The following SORBS2 variants were observed in gnomAD, a reference collection of about 807,000 sequenced individuals.
SORBS2 encodes sorbin and SH3 domain containing 2, also known as sorbin and SH3 domain-containing protein 2.
In SORBS2, 46 loss-of-function variants were observed where a neutral mutation model predicts 97.7. That is an observed-to-expected ratio of 0.47 (90% CI 0.37 to 0.60). The LOEUF (loss-of-function observed/expected upper bound fraction) is 0.60. Among genes scored for constraint, SORBS2 ranks in the 20% least tolerant of loss-of-function variants. The pLI, the probability that SORBS2 is intolerant of heterozygous loss-of-function variation, is 0.00. For missense variants in SORBS2, 1,316 were observed against 1,282.3 expected (o/e 1.03, Z -0.40); for synonymous variants, 476 against 473.4 (o/e 1.01, Z -0.07).
At chr4:185,908,877 A>G (rs1030803881) in intron 1 of SORBS2, among the ~76,000 whole-genome samples, 6 of 151,874 alleles carry the variant, frequency 4.0e-5, no homozygotes, top group African/African-American at 1.2e-4. Context: ...ATATATGAAT[A>G]TATGCATTAT....
At chr4:185,598,418 T>C (rs2096170747) in intron 12 of SORBS2, among the ~76,000 whole-genome samples, 2 of 152,226 alleles carry the variant, frequency 1.3e-5, no homozygotes, top group Admixed American at 1.3e-4. Flanking sequence ...CAAGTTGCTG[T>C]TCATAAGGAA....
chr4:185,866,347 G>T (rs1238832591), intron 1 of SORBS2, among the ~76,000 whole-genome samples: 2 of 152,168 alleles, frequency 1.3e-5, no homozygotes, highest in African/African-American at 2.4e-5. Flanking sequence ...TACCCTAATT[G>T]TTAGTAAGAA....
rs1376150950 is a variant in SORBS2 at position 185,879,709 on chromosome 4, A to C, written c.-338+76487T>G. On this transcript the variant is annotated intron_variant, in intron 1 of 20. Coordinates refer to the SORBS2 transcript ENST00000284776. ...GTTTCCTGACTTTTTAATGATCGCC[A>C]TTCTAACAGGTGTGAGATGGTATCT... Among the ~76,000 whole-genome samples, 3 of 152,168 alleles carry C rather than the reference A, an allele frequency of 2.0e-5. No individual in the cohort carries two copies. The East Asian group carries it at 5.8e-4, about 29-fold the overall frequency.
intron 1 of SORBS2, among the ~76,000 whole-genome samples, chr4:185,842,448 C>T (rs7692862): frequency 0.28 from 43,098 of 151,906 alleles, 6,328 homozygotes; most frequent in East Asian, 0.55. Flanking sequence ...TAAGGAGTTA[C>T]CTACCTGATC....
chr4:185,690,806 C>T (rs569973898), intron 2 of SORBS2, among the ~76,000 whole-genome samples, 195 bp from the exon 4 acceptor site: 2 of 152,272 alleles, frequency 1.3e-5, no homozygotes, highest in South Asian at 4.2e-4. Flanking sequence ...TGGTCCCATG[C>T]TCATAAAACA....
chr4:185,745,672 T>C (rs189871745), intron 2 of SORBS2, among the ~76,000 whole-genome samples: 67 of 152,346 alleles, frequency 4.4e-4, no homozygotes, highest in African/African-American at 1.2e-3. Flanking sequence ...TTAAATATTA[T>C]TTCCACAGCC....
At chr4:185,731,858 CTCTCTCTCTATATATATATATA>C (rs1348186400) in intron 2 of SORBS2, among the ~76,000 whole-genome samples, 766 of 35,986 alleles carry the variant, frequency 0.021, 2 homozygotes, top group African/African-American at 0.028. Context: ...CTCTCTCTCT[CTCTCTCTCTATATATATATATA>C]TATATATATA....
intron 1 of SORBS2, among the ~76,000 whole-genome samples, chr4:185,863,484 T>C (rs1025190414): frequency 6.6e-5 from 10 of 152,248 alleles, no homozygotes; most frequent in Admixed American, 1.3e-4. Context: ...ACATGTTTAA[T>C]ATACTGTCTT....
At chr4:185,800,342 T>C (rs919946650) in intron 1 of SORBS2, among the ~76,000 whole-genome samples, 3 of 152,222 alleles carry the variant, frequency 2.0e-5, no homozygotes, top group Middle Eastern at 3.2e-3. Context: ...TAATTTTAAA[T>C]GAGTCTTTGA....
chr4:185,766,143 C>CCT (rs1417086293), intron 2 of SORBS2, among the ~76,000 whole-genome samples: 6 of 152,160 alleles, frequency 3.9e-5, no homozygotes, highest in Non-Finnish European at 7.3e-5. Flanking sequence ...GGCGTGGATC[C>CCT]CTTAGTCTGA....
rs1561324933 is a variant in SORBS2 at position 185,943,638 on chromosome 4, T to C, written c.-338+12558A>G. Among the ~76,000 whole-genome samples, 3 of 152,260 alleles carry C rather than the reference T, an allele frequency of 2.0e-5. No homozygotes were observed. The South Asian group carries it at 6.2e-4, about 32-fold the overall frequency. ...TAGCAGGGGGAATATATTAGATTAATAGAGATGAAATTCCTGAGCCTCCAG... is the reference window on the plus strand; with the variant it reads ...TAGCAGGGGGAATATATTAGATTAACAGAGATGAAATTCCTGAGCCTCCAG... On this transcript the variant is annotated intron_variant, in intron 1 of 20. Transcript: ENST00000284776.
At chr4:185,688,351 G>T (rs138452887) in intron 2 of SORBS2, among the ~76,000 whole-genome samples, 1,585 of 151,990 alleles carry the variant, frequency 0.01, 34 homozygotes, top group African/African-American at 0.035. Context: ...ATATTGGATA[G>T]ATATATCTAT....
At chr4:185,599,996 A>C (rs2096221046) in intron 12 of SORBS2, among the ~76,000 whole-genome samples, 1 of 152,210 alleles carries the variant, frequency 6.6e-6, no homozygotes, top group African/African-American at 2.4e-5. Flanking sequence ...AGAATCTCCT[A>C]GACATCACTG....
At chr4:185,714,562 T>A (rs2098449566) in intron 2 of SORBS2, among the ~76,000 whole-genome samples, 2 of 152,206 alleles carry the variant, frequency 1.3e-5, no homozygotes, top group South Asian at 4.1e-4. Context: ...GTTCTCGCAC[T>A]GCTAATAAAG....
chr4:185,820,284 T>C (rs553450495), intron 1 of SORBS2, among the ~76,000 whole-genome samples: 1 of 152,346 alleles, frequency 6.6e-6, no homozygotes, highest in African/African-American at 2.4e-5. Flanking sequence ...CAACCTCACC[T>C]GGACAGCGCG....
chr4:185,784,499 G>GCATTCTCA (rs1293081388), intron 1 of SORBS2, among the ~76,000 whole-genome samples: 1 of 152,068 alleles, frequency 6.6e-6, no homozygotes, highest in Non-Finnish European at 1.5e-5. Context: ...TTCTGTGGGG[G>GCATTCTCA]TGCATGCTAA....
At chr4:185,861,267 G>A (rs1410080329) in intron 1 of SORBS2, among the ~76,000 whole-genome samples, 2 of 149,022 alleles carry the variant, frequency 1.3e-5, no homozygotes, top group East Asian at 4.0e-4. Flanking sequence ...TCTTTGGAAT[G>A]CCCTTGGCTG....
rs528128911 is a variant in SORBS2 at position 185,768,704 on chromosome 4, A to C, written c.-198+6523T>G. Among the ~76,000 whole-genome samples the C allele has an allele frequency of 4.3e-4, 44 of 102,022 alleles. No individual in the cohort carries two copies. In the East Asian group the frequency reaches 5.0e-3, roughly 12 times the overall value. The allele number at this position is 102,022 out of a possible 152,430, so 66.9% of individuals were successfully genotyped here. ...ACAGAGTGAGACTCTGTCTCAAAAA[A>C]AAAAAAACAAAAAAACAAAAAAAAA... On this transcript the variant is annotated intron_variant, in intron 2 of 20. Coordinates refer to the SORBS2 transcript ENST00000284776.
At position 185,670,908 on chromosome 4, in the gene SORBS2, A is replaced by T. The variant is rs189326229; in HGVS notation, c.-46+7515T>A. 1.5e-4 allele frequency among the ~76,000 whole-genome samples: 23 copies of T among 152,270 alleles called. No individual in the cohort carries two copies. The East Asian group carries it at 3.9e-3, about 26-fold the overall frequency. ...TGCCTCCCTCCTGGGAATTTGAATTACGTGACACTGAATGCCCCTCAGGTA... is the reference window on the plus strand; with the variant it reads ...TGCCTCCCTCCTGGGAATTTGAATTTCGTGACACTGAATGCCCCTCAGGTA... On this transcript the variant is annotated intron_variant, in intron 4 of 20. Transcript: ENST00000284776.
Sources: allele counts gnomAD v4.1 joint callset (sites outside exome capture counted in the v4.1 genomes callset), GRCh38; gene constraint gnomAD v4.1.1; transcripts MANE v1.5; gene names NCBI Gene and HGNC (gene_info 2026-07-23, HGNC 2026-07-21).